The following CHPT1 variants were observed in gnomAD, a reference collection of about 807,000 sequenced individuals.
CHPT1 encodes the protein cholinephosphotransferase 1.
A neutral mutation model predicts 47.6 loss-of-function variants in CHPT1; 36 were observed. The observed-to-expected ratio is 0.76, with a 90% CI of 0.58 to 1.00. The LOEUF is 1.00. CHPT1 is among the 50% of genes least tolerant of loss of function. The pLI is 0.00. For missense variants in CHPT1, 458 were observed against 498.1 expected (o/e 0.92, Z 0.77); for synonymous variants, 194 against 186.3 (o/e 1.04, Z -0.33).
chr12:101,717,832 T>C (rs773400108), intron 4 of CHPT1, among the ~76,000 whole-genome samples: 12 of 152,192 alleles, frequency 7.9e-5, no homozygotes, highest in Non-Finnish European at 1.5e-4. Context: ...CACAAATGTT[T>C]ACAGCAGCTT....
rs73392417 is a variant in CHPT1, at chr12:101,719,413, A to G, written c.649-710A>G. 3,170 of 519,310 alleles carry G rather than the reference A, an allele frequency of 6.1e-3. 87 individuals are homozygous for G. Among genetic ancestry groups the G allele is most frequent in the African/African-American group, 0.055 (2,779 of 50,710 alleles). The allele number at this position is 519,310 out of a possible 1,614,324, so 32.2% of individuals were successfully genotyped here. ...AAATTTTGGTACATTATTTCAGTCTATTTTCTAAACATAGTAGCCTCTAGC... is the reference window on the plus strand; with the variant it reads ...AAATTTTGGTACATTATTTCAGTCTGTTTTCTAAACATAGTAGCCTCTAGC... On this transcript the variant is annotated intron_variant, in intron 4 of 8. Transcript: ENST00000229266.
chr12:101,702,313 T>A (rs1951564897), intron 1 of CHPT1, among the ~76,000 whole-genome samples: 1 of 152,210 alleles, frequency 6.6e-6, no homozygotes, highest in South Asian at 2.1e-4. Context: ...TAAATCCATG[T>A]CAGTGTCTTT....
chr12:101,711,337 T>TCC (rs1951699225), intron 1 of CHPT1, among the ~76,000 whole-genome samples: 1 of 148,668 alleles, frequency 6.7e-6, no homozygotes, highest in African/African-American at 2.4e-5. Flanking sequence ...CACAATGGAA[T>TCC]ATTACTGAGC....
intron 1 of CHPT1, among the ~76,000 whole-genome samples, chr12:101,708,153 T>TA (rs1210148284): frequency 6.6e-6 from 1 of 152,186 alleles, no homozygotes; most frequent in African/African-American, 2.4e-5. Context: ...ATACGATAGT[T>TA]ACAGTGTTGT....
intron 1 of CHPT1, among the ~76,000 whole-genome samples, chr12:101,710,606 T>C (rs1329626638): frequency 2.0e-5 from 3 of 148,794 alleles, no homozygotes; most frequent in African/African-American, 7.3e-5. Flanking sequence ...ACAGTCTTCA[T>C]TTCCCTTTTC....
At chr12:101,717,795 A>G (rs1951787501) in intron 4 of CHPT1, among the ~76,000 whole-genome samples, 1 of 152,186 alleles carries the variant, frequency 6.6e-6, no homozygotes, top group South Asian at 2.1e-4. Flanking sequence ...AATGATTTGA[A>G]AACTTATGTC....
In CHPT1 at chr12:101,714,601, C is replaced by T. The variant is rs561748742; in HGVS notation, c.519C>T (p.Cys173=). The change falls in exon 3 of 9, where the codon TGC becomes TGT. Residue 173 remains cysteine, a synonymous_variant. Coordinates refer to ENST00000229266, the MANE Select transcript of CHPT1 (RefSeq NM_020244.3). ...CSFIGMFVFY[C]AHWQTYVSGM... is the part of the protein sequence containing the mutation. ...TTATTGGGATGTTTGTGTTTTATTG[C>T]GCTCATTGGCAGACTTATGTTTCAG... is the stretch of plus-strand genomic sequence containing the variant. 1.4e-5 allele frequency: 23 copies of T among 1,610,362 alleles called. No homozygotes were observed. The highest frequency in any genetic ancestry group is 1.2e-4 in the African/African-American group (9 of 74,676).
chr12:101,701,097 C>G (rs370928382), intron 1 of CHPT1, among the ~76,000 whole-genome samples: 2 of 152,150 alleles, frequency 1.3e-5, no homozygotes, highest in Non-Finnish European at 2.9e-5. Context: ...TAAAGGGAAA[C>G]TAATAGAAAA....
intron 3 of CHPT1, chr12:101,715,078 T>C (rs1951745941): frequency 6.5e-6 from 1 of 153,262 alleles, no homozygotes; most frequent in Non-Finnish European, 1.5e-5. Context: ...CAGCATCAGG[T>C]AATTGTGAGA....
In CHPT1 at chr12:101,720,223, G is replaced by A. The variant is rs1206264495; in HGVS notation, c.749G>A (p.Gly250Asp). 1.9e-6 allele frequency: 3 copies of A among 1,603,860 alleles called. No homozygotes were observed. The Admixed American group carries it at 5.1e-5, about 27-fold the overall frequency. The change falls in exon 5 of 9, where the codon GGT becomes GAT. Residue 250 changes from glycine to aspartate, a missense_variant. Physicochemically the swap from Gly to Asp is moderately conservative, Grantham distance 94. Coordinates refer to ENST00000229266, the MANE Select transcript of CHPT1 (RefSeq NM_020244.3). ...CSNYFHVILH[G>D]GVGKNGSTIA... is the part of the protein sequence containing the mutation. ...AATTATTTCCATGTTATCCTCCATGGTGGTGTTGGCAAGAATGGATCCACT... is the reference window on the plus strand; with the variant it reads ...AATTATTTCCATGTTATCCTCCATGATGGTGTTGGCAAGAATGGATCCACT...
Position 101,726,486 on chromosome 12 carries a change from CCT to C in CHPT1, c.1176+83_1176+84del, listed in dbSNP as rs1329182334. On this transcript the variant is annotated intron_variant, in intron 8 of 8. Transcript: ENST00000229266. Reference sequence around the variant, plus strand: ...GGAATCTATGAGTGAAGGAAATCCCCCTGTGCAGGAGGCTAGTATACCATCAA... The same window carrying C: ...GGAATCTATGAGTGAAGGAAATCCCCGTGCAGGAGGCTAGTATACCATCAA... 7.7e-6 allele frequency: 12 copies of C among 1,563,216 alleles called. No individual in the cohort carries two copies. The East Asian group carries it at 2.7e-4, about 35-fold the overall frequency.
At chr12:101,717,125 G>A (rs1594136632) in intron 4 of CHPT1, 6 of 376,432 alleles carry the variant, frequency 1.6e-5, no homozygotes, top group Admixed American at 3.6e-5. Context: ...TTTTTCCAGG[G>A]TGAAATAAAA....
Position 101,726,325 on chromosome 12 carries a change from T to G in CHPT1, c.1097T>G (p.Phe366Cys). The stretch of plus-strand genomic sequence containing the variant: ...TCTTCATTTGATATGGTGATATACT[T>G]TAGTGCTTTGTGCCTGCAAATTTCA... Reference protein sequence around the residue: ...VISSFDMVIYFSALCLQISRH... With the variant: ...VISSFDMVIYCSALCLQISRH... The change falls in exon 8 of 9, where the codon TTT becomes TGT. Residue 366 changes from phenylalanine (F) to cysteine (C), a missense_variant. Transcript: ENST00000229266. The G allele has an allele frequency of 1.9e-6, 3 of 1,612,490 alleles. No individual in the cohort carries two copies. The highest frequency in any genetic ancestry group is 2.5e-6 in the Non-Finnish European group (3 of 1,178,772).
chr12:101,722,981 GTCTC>G (rs1425646594), intron 5 of CHPT1, among the ~76,000 whole-genome samples, 183 bp from the exon 6 acceptor site: 2 of 152,154 alleles, frequency 1.3e-5, no homozygotes, highest in Non-Finnish European at 2.9e-5. Context: ...ACTGTATTAT[GTCTC>G]TGTCACCCTC....
At chr12:101,723,105 A>G (rs1410850606) in intron 5 of CHPT1, 63 bp from the exon 6 acceptor site, 7 of 1,439,150 alleles carry the variant, frequency 4.9e-6, no homozygotes, top group African/African-American at 1.4e-5. Flanking sequence ...TGGTCAGAAA[A>G]TGTCTACATT....
intron 1 of CHPT1, among the ~76,000 whole-genome samples, chr12:101,711,809 A>G (rs1594131241): frequency 6.7e-6 from 1 of 148,698 alleles, no homozygotes; most frequent in East Asian, 2.0e-4. Flanking sequence ...TTTAAAAAAG[A>G]ATTTACTAGT....
rs763609938 is a variant in CHPT1, at chr12:101,714,251, GT to G, written c.421+20del. ...CTCTTTCCACAGGTAAATTAGTGGA[GT>G]TTTTTATTTTTTTATGATACCTTAA... is the stretch of plus-strand genomic sequence containing the variant. On this transcript the variant is annotated intron_variant, in intron 2 of 8. Transcript: ENST00000229266. The G allele has an allele frequency of 3.2e-6, 5 of 1,546,562 alleles. No homozygotes were observed. The East Asian group carries it at 1.1e-4, about 35-fold the overall frequency.
intron 1 of CHPT1, among the ~76,000 whole-genome samples, chr12:101,707,862 CAGTCACTGCGTA>C: frequency 2.6e-5 from 4 of 152,294 alleles, no homozygotes; most frequent in Middle Eastern, 3.4e-3. Flanking sequence ...CTTTCTCCTT[CAGTCACTGCGTA>C]GTTCCGTCTC....
rs999858024 is a variant in CHPT1 at position 101,697,854 on chromosome 12, A to G, written c.-8A>G. The stretch of plus-strand genomic sequence containing the variant: ...GCTCGGTGGCGGCGGCGGGGCCCTC[A>G]GGCGGCCATGGCGGCAGGCGCCGGG... On this transcript the variant is annotated 5_prime_UTR_variant, in exon 1 of 9. Coordinates refer to ENST00000229266, the MANE Select transcript of CHPT1 (RefSeq NM_020244.3). 15 of 1,124,964 alleles carry G rather than the reference A, an allele frequency of 1.3e-5. No individual in the cohort carries two copies. The highest frequency in any genetic ancestry group is 1.5e-5 in the Non-Finnish European group (14 of 915,298). 69.7% of individuals were successfully genotyped at this position (1,124,964 alleles called of 1,614,324 possible).
Sources: allele counts gnomAD v4.1 joint callset (sites outside exome capture counted in the v4.1 genomes callset), GRCh38; gene constraint gnomAD v4.1.1; transcripts MANE v1.5; gene names NCBI Gene and HGNC (gene_info 2026-07-23, HGNC 2026-07-21).